Variants in MRPS23 observed in about 807,000 individuals in gnomAD.
MRPS23 encodes small ribosomal subunit protein mS23.
A neutral mutation model predicts 19.8 loss-of-function variants in MRPS23; 14 were observed. The observed-to-expected ratio is 0.71, with a 90% CI of 0.47 to 1.11. The LOEUF is 1.11. Ranked by LOEUF, MRPS23 falls within the 50% of genes least tolerant of loss-of-function variation. MRPS23 has a pLI of 0.00. For missense variants in MRPS23, 242 were observed against 236.7 expected, an observed-to-expected ratio of 1.02 and a Z score of -0.15; for synonymous variants, 113 against 89.7, an observed-to-expected ratio of 1.26 and a Z score of -1.47.
intron 2 of MRPS23, among the ~76,000 whole-genome samples, chr17:57,841,986 A>G (rs1200931620): frequency 1.3e-5 from 2 of 151,910 alleles, no homozygotes; most frequent in African/African-American, 2.4e-5. Flanking sequence ...ATAAAAACTG[A>G]GGTAAAAGTC....
rs775210774 is a variant in MRPS23 at position 57,841,007 on chromosome 17, A to G, written c.339T>C (p.Asp113=). Residue 113 remains aspartate, a synonymous_variant, in exon 4 of 5, where the codon GAT becomes GAC. Coordinates refer to ENST00000313608, the MANE Select transcript of MRPS23 (RefSeq NM_016070.4). ...YTELQKLGET[D]EEKLFVETGK... is the part of the protein sequence containing the mutation. ...CTGTTTCCACAAATAACTTCTCTTC[A>G]TCTGTTTCTCCAAGTTTCTGTAGCT... 1.9e-6 allele frequency: 3 copies of G among 1,614,048 alleles called. No individual in the cohort carries two copies. In the South Asian group the frequency reaches 3.3e-5, roughly 18 times the overall value.
At position 57,849,104 on chromosome 17, in the gene MRPS23, C is replaced by T. The variant is rs2073794976; in HGVS notation, c.215+136G>A. 6.5e-6 allele frequency: 7 copies of T among 1,082,456 alleles called. No homozygotes were observed. The East Asian group carries it at 7.5e-5, about 12-fold the overall frequency. 67.1% of individuals were successfully genotyped at this position (1,082,456 alleles called of 1,614,324 possible). On this transcript the variant is annotated intron_variant, in intron 2 of 4. Coordinates refer to ENST00000313608, the MANE Select transcript of MRPS23 (RefSeq NM_016070.4). ...CACTATGAGGAAGGGGTGCTGCCTC[C>T]CTAATTTGGCTAGATAAGCCTTCTC...
chr17:57,846,174 G>T (rs2073772340), intron 2 of MRPS23, among the ~76,000 whole-genome samples: 1 of 147,550 alleles, frequency 6.8e-6, no homozygotes, highest in Non-Finnish European at 1.5e-5. Context: ...GGCAGTCCCT[G>T]CTCCGCCAGC....
chr17:57,838,942 T>C lies in MRPS23; in HGVS notation c.*841A>G, dbSNP rs2073723912. The C allele has an allele frequency of 6.6e-6, 1 of 152,266 alleles. No homozygotes were observed. The allele number at this position is 152,266 out of a possible 1,614,324, so 9.4% of individuals were successfully genotyped here. ...GCTGCAATCTCAGAGGGATATTTCATGTATTTAGTAAAACCTGGGGAAACG... is the reference window on the plus strand; with the variant it reads ...GCTGCAATCTCAGAGGGATATTTCACGTATTTAGTAAAACCTGGGGAAACG... On this transcript the variant is annotated 3_prime_UTR_variant, in exon 5 of 5. Transcript: ENST00000313608.
intron 1 of MRPS23, 67 bp downstream of exon 1, chr17:57,849,900 G>T (rs2073800821): frequency 6.5e-7 from 1 of 1,532,470 alleles, no homozygotes; most frequent in African/African-American, 1.4e-5. Flanking sequence ...CCAAGGAAGA[G>T]CGTGACCGGC....
chr17:57,849,626 T>C (rs2073799213), intron 1 of MRPS23, among the ~76,000 whole-genome samples: 1 of 152,086 alleles, frequency 6.6e-6, no homozygotes, highest in East Asian at 1.9e-4. Context: ...CTTTTGTGCG[T>C]CCCACCCACG....
At position 57,838,576 on chromosome 17, in the gene MRPS23, T is replaced by G. The variant is rs1163235408; in HGVS notation, c.*1207A>C. 5 of 152,186 alleles carry G rather than the reference T, an allele frequency of 3.3e-5. No homozygotes were observed. The East Asian group carries it at 9.6e-4, about 29-fold the overall frequency. 9.4% of individuals were successfully genotyped at this position (152,186 alleles called of 1,614,324 possible). A position where few individuals can be genotyped will look rare whatever the true frequency, so the allele number is the denominator to read the frequency against. On this transcript the variant is annotated 3_prime_UTR_variant, in exon 5 of 5. Coordinates refer to ENST00000313608, the MANE Select transcript of MRPS23 (RefSeq NM_016070.4). ...GTTTGGTCTCAATGGTTGTGTAATG[T>G]CTCTGAATGGATGAAATTTACTTCC...
chr17:57,837,632 G>GTAT lies in MRPS23; in HGVS notation c.*2148_*2150dup, dbSNP rs938041684. 1.3e-5 allele frequency: 2 copies of GTAT among 152,180 alleles called. No homozygotes were observed. The highest frequency in any genetic ancestry group is 2.9e-5 in the Non-Finnish European group (2 of 68,028). 9.4% of individuals were successfully genotyped at this position (152,180 alleles called of 1,614,324 possible). A position where few individuals can be genotyped will look rare whatever the true frequency, so the allele number is the denominator to read the frequency against. ...CTGTTAAGTTTTGAACCATGTGCAT[G>GTAT]TATAATTTTTTTAAAGAATTATGCA... is the stretch of plus-strand genomic sequence containing the variant. On this transcript the variant is annotated 3_prime_UTR_variant, in exon 5 of 5. Transcript: ENST00000313608.
chr17:57,835,806 T>C lies in MRPS23; in HGVS notation c.*3977A>G, dbSNP rs374565837. 1 of 152,168 alleles carries C rather than the reference T, an allele frequency of 6.6e-6. No individual in the cohort carries two copies. The highest frequency in any genetic ancestry group is 1.9e-4 in the East Asian group (1 of 5,188). 9.4% of individuals were successfully genotyped at this position (152,168 alleles called of 1,614,324 possible). On this transcript the variant is annotated 3_prime_UTR_variant, in exon 5 of 5. Transcript: ENST00000313608. ...TCCAGATCTAGAACCCAAATCTTCA[T>C]TACTTGTCTGGGGCAAACTTCACTG...
At chr17:57,841,124 T>C in intron 3 of MRPS23, 59 bp downstream of exon 3, 2 of 1,609,826 alleles carry the variant, frequency 1.2e-6, no homozygotes, top group Non-Finnish European at 1.7e-6. Flanking sequence ...CAATATCAAA[T>C]GGATAACAAA....
At chr17:57,842,864 TAA>T (rs746598526) in intron 2 of MRPS23, among the ~76,000 whole-genome samples, 10,058 of 76,394 alleles carry the variant, frequency 0.13, 562 homozygotes, top group South Asian at 0.21. Flanking sequence ...ACCCTGTCTC[TAA>T]AAAAAAAAAA....
intron 2 of MRPS23, among the ~76,000 whole-genome samples, chr17:57,848,457 C>G (rs576455694): frequency 1.3e-5 from 2 of 151,834 alleles, no homozygotes; most frequent in Non-Finnish European, 1.5e-5. Flanking sequence ...TCACTGCAAC[C>G]TCCACCTCCC....
At position 57,839,093 on chromosome 17, in the gene MRPS23, A is replaced by G. The variant is rs1236763294; in HGVS notation, c.*690T>C. 1 of 152,286 alleles carries G rather than the reference A, an allele frequency of 6.6e-6. No individual in the cohort carries two copies. Among genetic ancestry groups the G allele is most frequent in the Non-Finnish European group, 1.5e-5 (1 of 68,068 alleles). The allele number at this position is 152,286 out of a possible 1,614,324, so 9.4% of individuals were successfully genotyped here. A position where few individuals can be genotyped will look rare whatever the true frequency, so the allele number is the denominator to read the frequency against. On this transcript the variant is annotated 3_prime_UTR_variant, in exon 5 of 5. Coordinates refer to ENST00000313608, the MANE Select transcript of MRPS23 (RefSeq NM_016070.4). ...TCTTGGCAATCCTGTTATCTACACCATATGAATCCAGTCTTTAGCTGGATA... is the reference window on the plus strand; with the variant it reads ...TCTTGGCAATCCTGTTATCTACACCGTATGAATCCAGTCTTTAGCTGGATA...
chr17:57,844,847 T>C (rs971004960), intron 2 of MRPS23, among the ~76,000 whole-genome samples: 5 of 151,874 alleles, frequency 3.3e-5, no homozygotes, highest in Non-Finnish European at 7.4e-5. Context: ...CAATCATTTA[T>C]CATCCAGTCC....
intron 4 of MRPS23, 127 bp downstream of exon 4, chr17:57,840,799 A>G: frequency 1.6e-6 from 2 of 1,284,106 alleles, no homozygotes; most frequent in South Asian, 2.9e-5. Context: ...CAAAAACCAC[A>G]GCACTTTATA....
chr17:57,846,114 G>A (rs1221240320), intron 2 of MRPS23, among the ~76,000 whole-genome samples: 7 of 151,320 alleles, frequency 4.6e-5, no homozygotes, highest in Non-Finnish European at 8.9e-5. Context: ...AAAATAAGGT[G>A]GGGGGCAGCC....
chr17:57,845,416 A>G (rs1036217722), intron 2 of MRPS23, among the ~76,000 whole-genome samples: 1 of 152,136 alleles, frequency 6.6e-6, no homozygotes, highest in African/African-American at 2.4e-5. Context: ...TATAAATTCC[A>G]TTTTCTAGCA....
At chr17:57,844,008 G>A (rs1231566914) in intron 2 of MRPS23, among the ~76,000 whole-genome samples, 1 of 151,504 alleles carries the variant, frequency 6.6e-6, no homozygotes, top group Non-Finnish European at 1.5e-5. Context: ...TTATCACTCA[G>A]ATTATTTTTT....
chr17:57,842,887 T>TACACACACAC (rs1209375203), intron 2 of MRPS23, among the ~76,000 whole-genome samples: 7 of 97,580 alleles, frequency 7.2e-5, no homozygotes, highest in African/African-American at 3.0e-4. Flanking sequence ...AAAATATATA[T>TACACACACAC]ATATACACAC....
Sources: gnomAD v4.1 joint callset for allele counts (sites outside exome capture counted in the v4.1 genomes callset) on GRCh38, gnomAD v4.1.1 for gene constraint, MANE v1.5 for transcripts, NCBI Gene and HGNC (gene_info 2026-07-23, HGNC 2026-07-21) for gene names.